The following NPHP1 variants were observed in gnomAD, a reference collection of about 807,000 sequenced individuals.
The protein encoded by NPHP1 is nephrocystin 1.
A neutral mutation model predicts 90.4 loss-of-function variants in NPHP1; 70 were observed. The ratio of observed to expected loss-of-function variants is 0.77; its 90% CI spans 0.64 to 0.95. The LOEUF is 0.95. Ranked by LOEUF, NPHP1 falls within the 40% of genes least tolerant of loss-of-function variation. The probability of loss-of-function intolerance (pLI) is 0.00; values close to 1 mark genes in which losing one functional copy is unlikely to be tolerated. For missense variants in NPHP1, 764 were observed against 795.9 expected, an observed-to-expected ratio of 0.96 and a Z score of 0.48; for synonymous variants, 256 against 271.7, an observed-to-expected ratio of 0.94 and a Z score of 0.57.
intron 1 of NPHP1, among the ~76,000 whole-genome samples, chr2:110,204,276 T>C (rs528591861): frequency 6.6e-6 from 1 of 152,312 alleles, no homozygotes; most frequent in Admixed American, 6.5e-5. Flanking sequence ...TTGTGATTTT[T>C]AACATTTTTG....
intron 1 of NPHP1, 50 bp from the exon 2 acceptor site, chr2:110,201,544 G>A: frequency 7.6e-7 from 1 of 1,315,718 alleles, no homozygotes; most frequent in Non-Finnish European, 1.1e-6. Flanking sequence ...TATCGCCTTA[G>A]GAAAGAAAAC....
At chr2:110,169,672 T>A (rs942129175) in intron 5 of NPHP1, 134 bp downstream of exon 5, 2 of 678,402 alleles carry the variant, frequency 2.9e-6, no homozygotes, top group Middle Eastern at 3.7e-4. Flanking sequence ...AAATTGTAAT[T>A]ATTACTTATT....
chr2:110,132,067 G>A lies in NPHP1; in HGVS notation c.1530-276C>T, dbSNP rs1332607439. Among the ~76,000 whole-genome samples, 6 of 152,188 alleles carry A rather than the reference G, an allele frequency of 3.9e-5. No individual in the cohort carries two copies. The South Asian group carries it at 1.0e-3, about 26-fold the overall frequency. On this transcript the variant is annotated intron_variant, in intron 16 of 19. Transcript: ENST00000445609. ...CCTATGTTAAATGTCAAATAAAAAC[G>A]GGAAGCCACTAATTATGTTTTGGAA...
Position 110,124,014 on chromosome 2 carries a change from C to G in NPHP1, c.1811G>C (p.Cys604Ser), listed in dbSNP as rs1258382968. The G allele has an allele frequency of 4.3e-6, 7 of 1,613,972 alleles. No homozygotes were observed. The African/African-American group carries it at 5.3e-5, about 12-fold the overall frequency. Residue 604 changes from cysteine (C) to serine (S), a missense_variant, in exon 20 of 20, where the codon TGC (cysteine) becomes TCC (serine). Transcript: ENST00000445609. Reference protein sequence around the residue: ...KSTFLLVYHDCVLPLLHSTRL... With the variant: ...KSTFLLVYHDSVLPLLHSTRL... ...TGTGGAGTGGAGAAGTGGGAGCACG[C>G]AGTCATGGTAAACCAGGAGAAACGT...
chr2:110,186,113 A>G (rs1401608657), intron 2 of NPHP1, among the ~76,000 whole-genome samples: 1 of 152,160 alleles, frequency 6.6e-6, no homozygotes, highest in Non-Finnish European at 1.5e-5. Flanking sequence ...TGGTAAGCGG[A>G]CAGTGTCCAC....
chr2:110,202,822 T>C (rs1685660278), intron 1 of NPHP1, among the ~76,000 whole-genome samples: 1 of 152,292 alleles, frequency 6.6e-6, no homozygotes, highest in Middle Eastern at 3.4e-3. Flanking sequence ...ACACTGTTGG[T>C]GGGCATGAAA....
At chr2:110,164,921 C>CTT in intron 7 of NPHP1, 131 bp downstream of exon 7, 1 of 884,892 alleles carries the variant, frequency 1.1e-6, no homozygotes, top group East Asian at 2.6e-5. Context: ...TTTAAGCAGA[C>CTT]AATAGTATGA....
chr2:110,125,282 C>T (rs1005645271), intron 19 of NPHP1: 3 of 1,535,682 alleles, frequency 2.0e-6, no homozygotes, highest in Non-Finnish European at 2.6e-6. Context: ...ACAGCTCAGG[C>T]CATTTTTTTT....
chr2:110,156,566 G>A (rs1431827152), intron 11 of NPHP1, among the ~76,000 whole-genome samples: 1 of 152,070 alleles, frequency 6.6e-6, no homozygotes, highest in East Asian at 1.9e-4. Context: ...GTGGACTAAA[G>A]GCTTGAGGCT....
chr2:110,150,124 A>G, intron 12 of NPHP1, 58 bp downstream of exon 12: 1 of 1,224,490 alleles, frequency 8.2e-7, no homozygotes, highest in South Asian at 1.2e-5. Context: ...ATTTATAGAA[A>G]TATGAATATG....
At chr2:110,201,568 C>G (rs907433003) in intron 1 of NPHP1, 74 bp from the exon 2 acceptor site, 3 of 1,068,374 alleles carry the variant, frequency 2.8e-6, no homozygotes, top group Non-Finnish European at 4.2e-6. Context: ...TTTTTTTATC[C>G]AATATTTTAT....
intron 11 of NPHP1, among the ~76,000 whole-genome samples, 181 bp from the exon 12 acceptor site, chr2:110,150,437 T>C (rs750940849): frequency 5.9e-5 from 9 of 152,206 alleles, no homozygotes; most frequent in Non-Finnish European, 8.8e-5. Context: ...ATGACATAAA[T>C]GAATTCAGAG....
intron 2 of NPHP1, chr2:110,185,260 G>T: frequency 2.1e-6 from 1 of 479,274 alleles, no homozygotes; most frequent in Non-Finnish European, 4.2e-6. Context: ...GTGTTTGTGA[G>T]GAATTGCCTG....
chr2:110,173,227 G>A (rs147901925), intron 4 of NPHP1, among the ~76,000 whole-genome samples: 2 of 152,098 alleles, frequency 1.3e-5, no homozygotes, highest in African/African-American at 2.4e-5. Flanking sequence ...GTGAGCCACC[G>A]CACCTGGCCA....
intron 2 of NPHP1, among the ~76,000 whole-genome samples, chr2:110,200,620 G>A (rs1466475123): frequency 7.9e-5 from 12 of 152,080 alleles, no homozygotes; most frequent in African/African-American, 2.9e-4. Flanking sequence ...ATTTAAAAAC[G>A]TAGTTTTCCC....
intron 6 of NPHP1, 129 bp downstream of exon 6, chr2:110,168,323 C>T (rs1682855091): frequency 2.9e-6 from 2 of 693,224 alleles, no homozygotes; most frequent in African/African-American, 3.6e-5. Flanking sequence ...TCCTGTCCCT[C>T]CAAAATTAAA....
At chr2:110,150,371 G>A in intron 11 of NPHP1, 115 bp from the exon 12 acceptor site, 1 of 904,560 alleles carries the variant, frequency 1.1e-6, no homozygotes, top group Non-Finnish European at 1.8e-6. Flanking sequence ...GGCAAGGGGA[G>A]AACTTTCACT....
At chr2:110,125,732 G>C in intron 18 of NPHP1, 51 bp from the exon 19 acceptor site, 1 of 1,452,964 alleles carries the variant, frequency 6.9e-7, no homozygotes, top group South Asian at 1.1e-5. Context: ...ACAAGTCCTT[G>C]CAACACTTAT....
intron 1 of NPHP1, among the ~76,000 whole-genome samples, chr2:110,201,700 C>G (rs774180536): frequency 1.3e-5 from 2 of 152,146 alleles, no homozygotes; most frequent in Non-Finnish European, 2.9e-5. Context: ...GTCAACCCAC[C>G]TTATGCCTTT....
Sources: gnomAD v4.1 joint callset for allele counts (sites outside exome capture counted in the v4.1 genomes callset) on GRCh38, gnomAD v4.1.1 for gene constraint, MANE v1.5 for transcripts, NCBI Gene and HGNC (gene_info 2026-07-23, HGNC 2026-07-21) for gene names.